SP140L: variants seen among roughly 807,000 people sequenced by gnomAD.
The protein encoded by SP140L is nuclear body protein SP140-like protein.
SP140L carries 64 observed loss-of-function variants against 84.3 expected under a neutral mutation model. The ratio of observed to expected loss-of-function variants is 0.76; its 90% CI spans 0.62 to 0.94. SP140L has a LOEUF of 0.94. Among genes scored for constraint, SP140L ranks in the 40% least tolerant of loss-of-function variants. SP140L has a pLI of 0.00. For missense variants in SP140L, 628 were observed against 692.5 expected (o/e 0.91, Z 1.05); for synonymous variants, 242 against 236.9 (o/e 1.02, Z -0.20).
chr2:230,380,479 C>CT (rs1559445657), intron 7 of SP140L, among the ~76,000 whole-genome samples: 1 of 152,128 alleles, frequency 6.6e-6, no homozygotes, highest in African/African-American at 2.4e-5. Flanking sequence ...TGCATGCATT[C>CT]TTTTTTTAAG....
chr2:230,378,969 C>T (rs11902383), intron 7 of SP140L, among the ~76,000 whole-genome samples: 108,000 of 152,126 alleles, frequency 0.71, 38,921 homozygotes, highest in South Asian at 0.76. Context: ...ACTTTATAAC[C>T]TCTTAGTGGA....
chr2:230,398,389 A>G (rs1263285617), intron 14 of SP140L, among the ~76,000 whole-genome samples: 9 of 152,242 alleles, frequency 5.9e-5, no homozygotes, highest in Admixed American at 5.2e-4. Context: ...TTGAAAAGAT[A>G]TAAGTTTGGA....
chr2:230,396,133 G>A (rs1388786655), intron 13 of SP140L, among the ~76,000 whole-genome samples: 8 of 152,270 alleles, frequency 5.3e-5, no homozygotes, highest in African/African-American at 1.9e-4. Flanking sequence ...ATATGCCTGA[G>A]GGCCCCTTGG....
At chr2:230,362,886 A>AG (rs1340276456) in intron 5 of SP140L, among the ~76,000 whole-genome samples, 1 of 149,560 alleles carries the variant, frequency 6.7e-6, no homozygotes, top group East Asian at 2.0e-4. Context: ...AGAAAGATAC[A>AG]GAAAAAAAAA....
intron 11 of SP140L, chr2:230,391,785 C>T (rs1233860966): frequency 7.7e-6 from 2 of 261,340 alleles, no homozygotes; most frequent in East Asian, 1.4e-4. Context: ...TCTCATCTTT[C>T]AGAATCACTT....
At chr2:230,351,456 CTT>C (rs1184704790) in intron 2 of SP140L, among the ~76,000 whole-genome samples, 1 of 152,136 alleles carries the variant, frequency 6.6e-6, no homozygotes, top group Non-Finnish European at 1.5e-5. Flanking sequence ...AGACTTTAGT[CTT>C]TGCCTATTAA....
chr2:230,387,720 T>C (rs1033201006), intron 9 of SP140L, among the ~76,000 whole-genome samples: 3 of 152,166 alleles, frequency 2.0e-5, no homozygotes, highest in African/African-American at 4.8e-5. Context: ...TTAGTAAACA[T>C]TGAGATGCCC....
rs373485092 is a variant in SP140L at position 230,370,859 on chromosome 2, C to T, written c.524-49C>T. The stretch of plus-strand genomic sequence containing the variant: ...TCACAATTTTGCCCCGGGAGCAGAG[C>T]GACCAGCATGTGAAAATGAGAAGTG... On this transcript the variant is annotated intron_variant, in intron 5 of 18. Coordinates refer to ENST00000415673, the MANE Select transcript of SP140L (RefSeq NM_138402.6). 3.5e-5 allele frequency: 55 copies of T among 1,582,906 alleles called. No homozygotes were observed. The African/African-American group carries it at 5.9e-4, about 17-fold the overall frequency.
intron 7 of SP140L, 99 bp from the exon 8 acceptor site, chr2:230,383,411 A>G (rs2061470742): frequency 7.6e-7 from 1 of 1,316,702 alleles, no homozygotes. Flanking sequence ...ATTCCTGTGG[A>G]CCAAAGTATG....
chr2:230,328,934 A>C, intron 2 of SP140L, 103 bp downstream of exon 2: 2 of 1,435,188 alleles, frequency 1.4e-6, no homozygotes, highest in Non-Finnish European at 1.8e-6. Flanking sequence ...CTCTTCCATA[A>C]TTTTTTTGTT....
intron 9 of SP140L, among the ~76,000 whole-genome samples, chr2:230,386,779 C>G (rs1002512676): frequency 3.9e-5 from 6 of 152,190 alleles, no homozygotes; most frequent in African/African-American, 1.4e-4. Flanking sequence ...GACATACCCA[C>G]TAGTCCCAGA....
chr2:230,363,619 G>C (rs1300055065), intron 5 of SP140L, among the ~76,000 whole-genome samples: 1 of 151,636 alleles, frequency 6.6e-6, no homozygotes, highest in Non-Finnish European at 1.5e-5. Context: ...CCCTTCTGTA[G>C]GTTGTCTCTT....
At chr2:230,339,161 C>A (rs1327822565) in intron 2 of SP140L, among the ~76,000 whole-genome samples, 1 of 151,458 alleles carries the variant, frequency 6.6e-6, no homozygotes, top group Non-Finnish European at 1.5e-5. Flanking sequence ...TTGATTATTG[C>A]CACAATTTCA....
chr2:230,399,105 G>A (rs375870769), intron 14 of SP140L, among the ~76,000 whole-genome samples: 22 of 152,146 alleles, frequency 1.4e-4, no homozygotes, highest in African/African-American at 5.1e-4. Flanking sequence ...TCCCTTGAAC[G>A]GCAAAGGGCT....
intron 2 of SP140L, 82 bp downstream of exon 2, chr2:230,328,913 A>G: frequency 6.7e-7 from 1 of 1,487,666 alleles, no homozygotes; most frequent in Admixed American, 2.5e-5. Flanking sequence ...TTTCTTGGCC[A>G]CTGAAATTTC....
chr2:230,331,261 TTAAA>T (rs1179484622), intron 2 of SP140L, among the ~76,000 whole-genome samples: 1 of 152,204 alleles, frequency 6.6e-6, no homozygotes, highest in Non-Finnish European at 1.5e-5. Context: ...TACTTTATTA[TTAAA>T]TATTATTTTT....
At chr2:230,391,284 G>A (rs1000847792) in intron 11 of SP140L, among the ~76,000 whole-genome samples, 11 of 152,116 alleles carry the variant, frequency 7.2e-5, no homozygotes, top group Admixed American at 2.6e-4. Flanking sequence ...AACTTATTGA[G>A]GAAACACCAA....
chr2:230,347,225 T>G (rs2060234788), intron 2 of SP140L, among the ~76,000 whole-genome samples: 1 of 152,210 alleles, frequency 6.6e-6, no homozygotes, highest in South Asian at 2.1e-4. Flanking sequence ...TGGGCAGGGC[T>G]ACTGGCTGGC....
chr2:230,403,664 C>G lies in SP140L; in HGVS notation c.*768C>G, dbSNP rs2062448284. 1 of 152,220 alleles carries G rather than the reference C, an allele frequency of 6.6e-6. No individual in the cohort carries two copies. Among genetic ancestry groups the G allele is most frequent in the Non-Finnish European group, 1.5e-5 (1 of 68,046 alleles). 9.4% of individuals were successfully genotyped at this position (152,220 alleles called of 1,614,324 possible). On this transcript the variant is annotated 3_prime_UTR_variant, in exon 19 of 19. Transcript: ENST00000415673. ...TATGAGTGTCAATCATCTGACCCTT[C>G]TTGGAGTCTCATATTTCGTGGAACT...
Sources: gnomAD v4.1 joint callset for allele counts (sites outside exome capture counted in the v4.1 genomes callset) on GRCh38, gnomAD v4.1.1 for gene constraint, MANE v1.5 for transcripts, NCBI Gene and HGNC (gene_info 2026-07-23, HGNC 2026-07-21) for gene names.